SLC25A32: variants seen among roughly 807,000 people sequenced by gnomAD.
The protein encoded by SLC25A32 is solute carrier family 25 member 32.
A neutral mutation model predicts 39.0 loss-of-function variants in SLC25A32; 32 were observed. The observed-to-expected ratio is 0.82, with a 90% confidence interval of 0.62 to 1.10. The LOEUF is 1.10. SLC25A32 is among the 50% of genes least tolerant of loss of function. The pLI, the probability that SLC25A32 is intolerant of heterozygous loss-of-function variation, is 0.00. For missense variants in SLC25A32, 367 were observed against 395.3 expected (o/e 0.93, Z 0.61); for synonymous variants, 166 against 152.4 (o/e 1.09, Z -0.66).
intron 1 of SLC25A32, among the ~76,000 whole-genome samples, chr8:103,411,570 ATCCCTC>A: frequency 6.6e-6 from 1 of 152,282 alleles, no homozygotes; most frequent in South Asian, 2.1e-4. Flanking sequence ...TATTGTGTAA[ATCCCTC>A]TCTTCTGGCT....
intron 2 of SLC25A32, among the ~76,000 whole-genome samples, chr8:103,406,001 C>T (rs1365626841): frequency 1.3e-5 from 2 of 151,426 alleles, no homozygotes; most frequent in African/African-American, 4.9e-5. Context: ...TTTTATATGG[C>T]TTGTCCTTAG....
intron 3 of SLC25A32, among the ~76,000 whole-genome samples, chr8:103,404,122 G>A (rs1816276594): frequency 6.6e-6 from 1 of 152,144 alleles, no homozygotes; most frequent in Admixed American, 6.5e-5. Context: ...ACATAAGTGA[G>A]GCGATTAAAC....
At chr8:103,403,347 T>C (rs766489832) in intron 3 of SLC25A32, 23 bp from the exon 4 acceptor site, 2 of 1,563,344 alleles carry the variant, frequency 1.3e-6, no homozygotes, top group East Asian at 2.3e-5. Context: ...TTCAATAAGA[T>C]TATTCAGCAT....
intron 1 of SLC25A32, among the ~76,000 whole-genome samples, chr8:103,413,077 T>C (rs562796763): frequency 1.1e-4 from 17 of 152,282 alleles, no homozygotes; most frequent in African/African-American, 3.1e-4. Context: ...CCAAACTCAA[T>C]CCTTTTATCT....
At position 103,400,541 on chromosome 8, in the gene SLC25A32, TCTTTC is replaced by T; in HGVS notation, c.813_817del (p.Lys272ArgfsTer12). Reference sequence around the variant, plus strand: ...TCCCTTGTAAAATCCACCGACGCCTTCTTTCCTTTAGAGGGAAAAATAGATAATGC... The same window carrying T: ...TCCCTTGTAAAATCCACCGACGCCTTCTTTAGAGGGAAAAATAGATAATGC... On this transcript the variant is annotated frameshift_variant and splice_region_variant, in exon 7 of 7. Transcript: ENST00000297578. LOFTEE classifies it high-confidence loss of function. 9.9e-6 allele frequency: 16 copies of T among 1,613,776 alleles called. No homozygotes were observed. The highest frequency in any genetic ancestry group is 2.7e-5 in the African/African-American group (2 of 74,886).
rs372853859 is a variant in SLC25A32, at chr8:103,404,758, T to C, written c.391+18A>G. The C allele has an allele frequency of 3.2e-6, 5 of 1,580,786 alleles. No individual in the cohort carries two copies. The African/African-American group carries it at 4.1e-5, about 13-fold the overall frequency. ...AAGTTTGGAAGGTGACATTTTTATATTTCACACATTGCCTTACCAGCTTCA... is the reference window on the plus strand; with the variant it reads ...AAGTTTGGAAGGTGACATTTTTATACTTCACACATTGCCTTACCAGCTTCA... On this transcript the variant is annotated intron_variant, in intron 3 of 6. Coordinates refer to ENST00000297578, the MANE Select transcript of SLC25A32 (RefSeq NM_030780.5).
In SLC25A32 at chr8:103,399,202, A is replaced by G. The variant is rs1044870034; in HGVS notation, c.*1209T>C. 2.0e-5 allele frequency: 3 copies of G among 152,238 alleles called. No homozygotes were observed. Among genetic ancestry groups the G allele is most frequent in the African/African-American group, 4.8e-5 (2 of 41,472 alleles). 9.4% of individuals were successfully genotyped at this position (152,238 alleles called of 1,614,324 possible). A position where few individuals can be genotyped will look rare whatever the true frequency, so the allele number is the denominator to read the frequency against. On this transcript the variant is annotated 3_prime_UTR_variant, in exon 7 of 7. Transcript: ENST00000297578. Reference sequence around the variant, plus strand: ...TCATTTATTTGGGATCTAGATCCATATATCTGAAAACTGAAGTATAAAGTT... The same window carrying G: ...TCATTTATTTGGGATCTAGATCCATGTATCTGAAAACTGAAGTATAAAGTT...
chr8:103,404,463 C>T lies in SLC25A32; in HGVS notation c.391+313G>A, dbSNP rs138847223. On this transcript the variant is annotated intron_variant, in intron 3 of 6. Coordinates refer to ENST00000297578, the MANE Select transcript of SLC25A32 (RefSeq NM_030780.5). Reference sequence around the variant, plus strand: ...ACAAAAAATTAGCTGGGCGTGGTGGCACGTGTCTGTAGTCCCAGCTACTCA... The same window carrying T: ...ACAAAAAATTAGCTGGGCGTGGTGGTACGTGTCTGTAGTCCCAGCTACTCA... 2.6e-4 allele frequency among the ~76,000 whole-genome samples: 40 copies of T among 152,132 alleles called. No individual in the cohort carries two copies. In the East Asian group the frequency reaches 7.7e-3, roughly 29 times the overall value.
chr8:103,406,438 C>T (rs574992334), intron 2 of SLC25A32, among the ~76,000 whole-genome samples: 14 of 152,198 alleles, frequency 9.2e-5, no homozygotes, highest in South Asian at 4.1e-4. Context: ...AGATCAGAGG[C>T]GTGCTCAGAG....
At position 103,414,950 on chromosome 8, in the gene SLC25A32, C is replaced by G; in HGVS notation, c.-13G>C. ...CCTGGCCCGTCATAGGCTCGGGGCC[C>G]GTCGACACCACGGCGCCCAGGGCCG... On this transcript the variant is annotated 5_prime_UTR_variant, in exon 1 of 7. Transcript: ENST00000297578. 6.3e-7 allele frequency: 1 copy of G among 1,594,444 alleles called. No homozygotes were observed. Among genetic ancestry groups the G allele is most frequent in the Non-Finnish European group, 8.5e-7 (1 of 1,170,922 alleles).
At chr8:103,402,433 G>A (rs114488433) in intron 4 of SLC25A32, 1,669 of 154,318 alleles carry the variant, frequency 0.011, 33 homozygotes, top group African/African-American at 0.038. Context: ...AGAAAGTGAC[G>A]AAAAAACATA....
chr8:103,403,430 AG>A, intron 3 of SLC25A32, 106 bp from the exon 4 acceptor site: 1 of 702,428 alleles, frequency 1.4e-6, no homozygotes, highest in Non-Finnish European at 2.2e-6. Flanking sequence ...AAAAAAAAAA[AG>A]ATAATGCACA....
In SLC25A32 at chr8:103,414,767, T is replaced by A; in HGVS notation, c.154+17A>T. 6.2e-7 allele frequency: 1 copy of A among 1,613,292 alleles called. No homozygotes were observed. Among genetic ancestry groups the A allele is most frequent in the Non-Finnish European group, 8.5e-7 (1 of 1,179,790 alleles). ...GACAGTGAGAGGATGCAGCCCGGTG[T>A]CTGGGCGGGCTCTTACCGGCGAAGC... On this transcript the variant is annotated intron_variant, in intron 1 of 6. Transcript: ENST00000297578.
At position 103,404,757 on chromosome 8, in the gene SLC25A32, A is replaced by G. The variant is rs745332405; in HGVS notation, c.391+19T>C. The G allele has an allele frequency of 1.3e-6, 2 of 1,578,268 alleles. No individual in the cohort carries two copies. Among genetic ancestry groups the G allele is most frequent in the Admixed American group, 3.5e-5 (2 of 56,570 alleles). ...TAAGTTTGGAAGGTGACATTTTTAT[A>G]TTTCACACATTGCCTTACCAGCTTC... On this transcript the variant is annotated intron_variant, in intron 3 of 6. Coordinates refer to ENST00000297578, the MANE Select transcript of SLC25A32 (RefSeq NM_030780.5).
chr8:103,406,953 C>G (rs1816346908), intron 2 of SLC25A32, among the ~76,000 whole-genome samples: 1 of 152,206 alleles, frequency 6.6e-6, no homozygotes, highest in South Asian at 2.1e-4. Flanking sequence ...AACAATCTTT[C>G]TTTATCAAAA....
chr8:103,404,558 G>A (rs960441462), intron 3 of SLC25A32, among the ~76,000 whole-genome samples: 4 of 151,554 alleles, frequency 2.6e-5, no homozygotes, highest in Non-Finnish European at 5.9e-5. Flanking sequence ...TAGCGCCACC[G>A]CACTCCAGCC....
intron 2 of SLC25A32, among the ~76,000 whole-genome samples, chr8:103,405,688 TCTCA>T (rs938997380): frequency 1.3e-5 from 2 of 151,620 alleles, no homozygotes; most frequent in African/African-American, 2.4e-5. Flanking sequence ...AGAGACAGAG[TCTCA>T]CTCTATCACC....
Position 103,403,110 on chromosome 8 carries a change from G to A in SLC25A32, c.552+54C>T, listed in dbSNP as rs181430848. On this transcript the variant is annotated intron_variant, in intron 4 of 6. Coordinates refer to ENST00000297578, the MANE Select transcript of SLC25A32 (RefSeq NM_030780.5). ...GGTCATTCAGAACTAAGACAACAGA[G>A]CCAACGGAAATTCAAATTTTTCAGT... is the stretch of plus-strand genomic sequence containing the variant. The A allele has an allele frequency of 1.4e-5, 19 of 1,314,728 alleles. No individual in the cohort carries two copies. The East Asian group carries it at 4.1e-4, about 28-fold the overall frequency. 81.4% of individuals were successfully genotyped at this position (1,314,728 alleles called of 1,614,324 possible). A position where few individuals can be genotyped will look rare whatever the true frequency, so the allele number is the denominator to read the frequency against.
rs71520812 is a variant in SLC25A32, at chr8:103,404,573, C to T, written c.391+203G>A. Among the ~76,000 whole-genome samples, 10,640 of 151,244 alleles carry T rather than the reference C, an allele frequency of 0.07. 483 individuals carry two copies. Among genetic ancestry groups the T allele is most frequent in the Non-Finnish European group, 0.1 (6,760 of 67,804 alleles). ...TAGCGCCACCGCACTCCAGCCTGGG[C>T]GACAAGAGCGAAACTCCGCCTCAAA... On this transcript the variant is annotated intron_variant, in intron 3 of 6. Transcript: ENST00000297578.
Sources: gnomAD v4.1 joint callset for allele counts (sites outside exome capture counted in the v4.1 genomes callset) on GRCh38, gnomAD v4.1.1 for gene constraint, MANE v1.5 for transcripts, NCBI Gene and HGNC (gene_info 2026-07-23, HGNC 2026-07-21) for gene names.